Variants in SORCS2 observed in about 807,000 individuals in gnomAD.
SORCS2 encodes the protein VPS10 domain-containing receptor SorCS2.
In SORCS2, 100 loss-of-function variants were observed where a neutral mutation model predicts 141.6. The ratio of observed to expected loss-of-function variants is 0.71; its 90% CI spans 0.60 to 0.83. The LOEUF is 0.83. SORCS2 is among the 40% of genes least tolerant of loss of function. The pLI is 0.00. For missense variants in SORCS2, 1,646 were observed against 1,560.2 expected, an observed-to-expected ratio of 1.05 and a Z score of -0.93; for synonymous variants, 789 against 676.9, an observed-to-expected ratio of 1.17 and a Z score of -2.57.
Position 7,211,526 on chromosome 4 carries a change from C to A in SORCS2, c.480+18400C>A, listed in dbSNP as rs139023912. Among the ~76,000 whole-genome samples, 47 of 152,286 alleles carry A rather than the reference C, an allele frequency of 3.1e-4. No individual in the cohort carries two copies. The East Asian group carries it at 8.1e-3, about 26-fold the overall frequency. The stretch of plus-strand genomic sequence containing the variant: ...TAGCTGGGATTACAAGCACCTACCA[C>A]CACACCTAGCTAATTTTTGTATTTT... On this transcript the variant is annotated intron_variant, in intron 1 of 26. Coordinates refer to ENST00000507866, the MANE Select transcript of SORCS2 (RefSeq NM_020777.3).
intron 1 of SORCS2, among the ~76,000 whole-genome samples, chr4:7,366,950 C>T (rs114611501): frequency 1.8e-3 from 274 of 152,270 alleles, no homozygotes; most frequent in African/African-American, 6.2e-3. Context: ...GAGGCCAGGT[C>T]GGAAGGACTT....
rs1166673706 is a variant in SORCS2 at position 7,633,788 on chromosome 4, T to TTGGGAGGC, written c.649-4540_649-4539insTGGGAGGC. ...TTCACTCATTCCTGCATGCGCTCCTTCATGTGTCCGTCAGGCGGGATTAAC... is the reference window on the plus strand; with the variant it reads ...TTCACTCATTCCTGCATGCGCTCCTTTGGGAGGCCATGTGTCCGTCAGGCGGGATTAAC... On this transcript the variant is annotated intron_variant, in intron 3 of 26. Transcript: ENST00000507866. Among the ~76,000 whole-genome samples the TTGGGAGGC allele has an allele frequency of 2.6e-4, 32 of 124,620 alleles. 3 individuals carry two copies. The highest frequency in any genetic ancestry group is 3.0e-4 in the Non-Finnish European group (16 of 53,590). The allele number at this position is 124,620 out of a possible 152,430, so 81.8% of individuals were successfully genotyped here.
intron 1 of SORCS2, among the ~76,000 whole-genome samples, chr4:7,307,163 A>T (rs1717889000): frequency 6.6e-6 from 1 of 152,182 alleles, no homozygotes; most frequent in African/African-American, 2.4e-5. Context: ...CGCCAGCCTC[A>T]TCGGCCCTCA....
At chr4:7,519,914 C>G (rs751165101) in intron 2 of SORCS2, among the ~76,000 whole-genome samples, 1 of 152,220 alleles carries the variant, frequency 6.6e-6, no homozygotes, top group Non-Finnish European at 1.5e-5. Context: ...GTTAAGCAGG[C>G]GGGGCAGGGA....
chr4:7,704,447 C>A (rs1422668496), intron 14 of SORCS2, among the ~76,000 whole-genome samples, 163 bp downstream of exon 14: 1 of 152,238 alleles, frequency 6.6e-6, no homozygotes. Context: ...AGGCTCCAGG[C>A]CGGCTCCACC....
At chr4:7,470,539 G>T (rs1190421379) in intron 2 of SORCS2, among the ~76,000 whole-genome samples, 1 of 152,240 alleles carries the variant, frequency 6.6e-6, no homozygotes, top group African/African-American at 2.4e-5. Flanking sequence ...TGGCCAAGGA[G>T]ACCCATGTGA....
chr4:7,198,236 T>A (rs1727281020), intron 1 of SORCS2, among the ~76,000 whole-genome samples: 1 of 152,154 alleles, frequency 6.6e-6, no homozygotes, highest in South Asian at 2.1e-4. Context: ...CTCTCTGTCC[T>A]GGGTGGTGCT....
At chr4:7,481,238 C>T (rs568476869) in intron 2 of SORCS2, among the ~76,000 whole-genome samples, 5 of 152,384 alleles carry the variant, frequency 3.3e-5, no homozygotes, top group East Asian at 1.9e-4. Context: ...AGAACAGGAG[C>T]GTGCGCTCCT....
At chr4:7,465,753 G>A (rs1729577832) in intron 2 of SORCS2, among the ~76,000 whole-genome samples, 1 of 152,236 alleles carries the variant, frequency 6.6e-6, no homozygotes, top group Admixed American at 6.5e-5. Context: ...AGGTTGATAT[G>A]TAATCTCCAT....
chr4:7,714,226 T>C lies in SORCS2; in HGVS notation c.1990-14T>C, dbSNP rs767602653. ...TGTCTCAGGCAGCTCCTTACCCTGA[T>C]GTTCCTGCTGCAGGGCGACCGCTGT... On this transcript the variant is annotated splice_polypyrimidine_tract_variant and intron_variant, in intron 15 of 26. Transcript: ENST00000507866. 1 of 1,608,264 alleles carries C rather than the reference T, an allele frequency of 6.2e-7. No individual in the cohort carries two copies. Among genetic ancestry groups the C allele is most frequent in the Non-Finnish European group, 8.5e-7 (1 of 1,177,500 alleles).
At chr4:7,592,112 T>A (rs1456181258) in intron 3 of SORCS2, among the ~76,000 whole-genome samples, 2 of 152,194 alleles carry the variant, frequency 1.3e-5, no homozygotes, top group African/African-American at 4.8e-5. Flanking sequence ...TTGAAAAAGA[T>A]ACGCTTCGAG....
chr4:7,473,629 G>T (rs564066800), intron 2 of SORCS2, among the ~76,000 whole-genome samples: 2 of 152,312 alleles, frequency 1.3e-5, no homozygotes, highest in African/African-American at 4.8e-5. Flanking sequence ...GGCCCCGAAT[G>T]CCAAGCATAG....
chr4:7,394,532 G>A (rs1420554219), intron 1 of SORCS2, among the ~76,000 whole-genome samples: 1 of 150,822 alleles, frequency 6.6e-6, no homozygotes, highest in Non-Finnish European at 1.5e-5. Context: ...GGGATTTGGG[G>A]AAGAGCATCC....
At chr4:7,330,264 C>T (rs984934291) in intron 1 of SORCS2, among the ~76,000 whole-genome samples, 1 of 152,032 alleles carries the variant, frequency 6.6e-6, no homozygotes, top group Non-Finnish European at 1.5e-5. Flanking sequence ...ATCACATCTG[C>T]AAAAGCCCTT....
chr4:7,586,877 T>C (rs1716570835), intron 3 of SORCS2, among the ~76,000 whole-genome samples: 1 of 152,062 alleles, frequency 6.6e-6, no homozygotes, highest in Non-Finnish European at 1.5e-5. Context: ...TTTCTCGAGG[T>C]GTTGAAGACA....
intron 2 of SORCS2, among the ~76,000 whole-genome samples, chr4:7,518,061 C>T (rs540986907): frequency 8.5e-5 from 13 of 152,294 alleles, no homozygotes; most frequent in African/African-American, 2.4e-4. Flanking sequence ...TATGCTCACA[C>T]AGGGACCAGG....
chr4:7,719,843 C>T (rs1726460872), intron 18 of SORCS2, among the ~76,000 whole-genome samples: 1 of 152,210 alleles, frequency 6.6e-6, no homozygotes, highest in Non-Finnish European at 1.5e-5. Flanking sequence ...GGCCGGGACC[C>T]TTGCTGGGCC....
At chr4:7,709,382 C>G (rs1333437816) in intron 14 of SORCS2, among the ~76,000 whole-genome samples, 3 of 152,222 alleles carry the variant, frequency 2.0e-5, no homozygotes, top group African/African-American at 7.2e-5. Flanking sequence ...CTTGGTTAGG[C>G]CCCAGAGATG....
chr4:7,194,337 G>A (rs1409158233), intron 1 of SORCS2, among the ~76,000 whole-genome samples: 2 of 152,132 alleles, frequency 1.3e-5, no homozygotes, highest in East Asian at 3.9e-4. Context: ...GGTCACTTGT[G>A]CCCATCTCCT....
Sources: gnomAD v4.1 joint callset for allele counts (sites outside exome capture counted in the v4.1 genomes callset) on GRCh38, gnomAD v4.1.1 for gene constraint, MANE v1.5 for transcripts, NCBI Gene and HGNC (gene_info 2026-07-23, HGNC 2026-07-21) for gene names.